COMMD2: variants seen among roughly 807,000 people sequenced by gnomAD.
The protein encoded by COMMD2 is COMM domain containing 2, also known as COMM domain-containing protein 2.
In COMMD2, 25 loss-of-function variants were observed where a neutral mutation model predicts 22.5. That is an observed-to-expected ratio of 1.11 (90% CI 0.81 to 1.55). The LOEUF (loss-of-function observed/expected upper bound fraction) is 1.55. Ranked by LOEUF, COMMD2 falls within the 40% of genes most tolerant of loss-of-function variation. The pLI is 0.00. For synonymous variants in COMMD2, 98 were observed against 91.2 expected (o/e 1.07, Z -0.42); for missense variants, 223 against 232.9 (o/e 0.96, Z 0.28).
At chr3:149,742,183 T>C (rs925864166) in intron 4 of COMMD2, among the ~76,000 whole-genome samples, 1 of 152,156 alleles carries the variant, frequency 6.6e-6, no homozygotes. Context: ...GACAAATGAA[T>C]ATAGAAAAAT....
At chr3:149,742,965 CAAAAA>C (rs5853437) in intron 4 of COMMD2, among the ~76,000 whole-genome samples, 1 of 120,130 alleles carries the variant, frequency 8.3e-6, no homozygotes, top group Non-Finnish European at 1.8e-5. Flanking sequence ...GACTCTATCT[CAAAAA>C]AAAAAAAAAA....
intron 4 of COMMD2, among the ~76,000 whole-genome samples, chr3:149,748,241 A>G (rs1173107292): frequency 6.6e-6 from 1 of 152,180 alleles, no homozygotes; most frequent in Middle Eastern, 3.2e-3. Flanking sequence ...AAGTGGAGCA[A>G]GTGGGTCCTC....
intron 1 of COMMD2, 38 bp downstream of exon 1, chr3:149,752,340 T>G: frequency 6.2e-7 from 1 of 1,613,814 alleles, no homozygotes; most frequent in Non-Finnish European, 8.5e-7. Flanking sequence ...TTTGACCTCC[T>G]CCCCAGCCCA....
At chr3:149,749,632 T>G (rs1490432278) in intron 4 of COMMD2, among the ~76,000 whole-genome samples, 1 of 152,216 alleles carries the variant, frequency 6.6e-6, no homozygotes, top group African/African-American at 2.4e-5. Flanking sequence ...ATTCATATGC[T>G]CATTTGCATA....
In COMMD2 at chr3:149,739,529, T is replaced by C. The variant is rs1051524610; in HGVS notation, c.*1992A>G. 5 of 152,216 alleles carry C rather than the reference T, an allele frequency of 3.3e-5. No individual in the cohort carries two copies. Among genetic ancestry groups the C allele is most frequent in the African/African-American group, 4.8e-5 (2 of 41,464 alleles). The allele number at this position is 152,216 out of a possible 1,614,324, so 9.4% of individuals were successfully genotyped here. On this transcript the variant is annotated 3_prime_UTR_variant, in exon 5 of 5. Transcript: ENST00000473414. ...ATTAGCACATGCTTTCTTGTTTTAA[T>C]TGGGGTAAGAACAGTGGACAAAGAG...
At chr3:149,745,596 C>T (rs1246861460) in intron 4 of COMMD2, among the ~76,000 whole-genome samples, 1 of 152,204 alleles carries the variant, frequency 6.6e-6, no homozygotes, top group Non-Finnish European at 1.5e-5. Flanking sequence ...GCTATGTCCA[C>T]AAGGCCTAGC....
At chr3:149,744,305 T>A (rs956028607) in intron 4 of COMMD2, among the ~76,000 whole-genome samples, 3 of 152,222 alleles carry the variant, frequency 2.0e-5, no homozygotes, top group African/African-American at 7.2e-5. Flanking sequence ...ACATAAATTA[T>A]GTTTCATGTA....
intron 4 of COMMD2, among the ~76,000 whole-genome samples, chr3:149,747,272 T>G (rs1480651764): frequency 2.0e-5 from 3 of 152,206 alleles, no homozygotes; most frequent in Non-Finnish European, 4.4e-5. Context: ...ATTTAAGACT[T>G]CAAATTGGAT....
In COMMD2 at chr3:149,751,431, T is replaced by C. The variant is rs146703562; in HGVS notation, c.200A>G (p.Tyr67Cys). The part of the protein sequence containing the change: ...TVQHGVEGLT[Y>C]LLTESSKLMI... ...GAGCTTTGAGCTCTCAGTGAGGAGA[T>C]ACGTTAATCCTTCCACACCATGCTG... The change falls in exon 3 of 5, where the codon TAT (tyrosine) becomes TGT (cysteine). Residue 67 changes from tyrosine to cysteine, a missense_variant. By Grantham distance (194) the Tyr-to-Cys change is radical. Coordinates refer to ENST00000473414, the MANE Select transcript of COMMD2 (RefSeq NM_016094.4). 5.1e-4 allele frequency: 823 copies of C among 1,614,130 alleles called. 2 individuals carry two copies. Among genetic ancestry groups the C allele is most frequent in the Middle Eastern group, 1.5e-3 (9 of 6,062 alleles).
Position 149,741,791 on chromosome 3 carries a change from C to G in COMMD2, c.403-73G>C. 8.6e-6 allele frequency: 10 copies of G among 1,159,226 alleles called. No homozygotes were observed. In the South Asian group the frequency reaches 1.4e-4, roughly 16 times the overall value. 71.8% of individuals were successfully genotyped at this position (1,159,226 alleles called of 1,614,324 possible). On this transcript the variant is annotated intron_variant, in intron 4 of 4. Coordinates refer to ENST00000473414, the MANE Select transcript of COMMD2 (RefSeq NM_016094.4). Reference sequence around the variant, plus strand: ...CTGAATACATAATATTTATAATTATCTTAAACCATACACAAAAATTAAGTT... The same window carrying G: ...CTGAATACATAATATTTATAATTATGTTAAACCATACACAAAAATTAAGTT...
chr3:149,749,648 G>C (rs1265164582), intron 4 of COMMD2, among the ~76,000 whole-genome samples: 1 of 152,160 alleles, frequency 6.6e-6, no homozygotes, highest in African/African-American at 2.4e-5. Context: ...GCATATCCAT[G>C]TGGGCTTTTA....
At chr3:149,749,977 T>C (rs1454791176) in intron 4 of COMMD2, among the ~76,000 whole-genome samples, 4 of 152,226 alleles carry the variant, frequency 2.6e-5, no homozygotes, top group Admixed American at 6.5e-5. Context: ...TACACTTCTT[T>C]TGTGTCTCAA....
chr3:149,749,644 C>T (rs910621459), intron 4 of COMMD2, among the ~76,000 whole-genome samples: 1 of 152,154 alleles, frequency 6.6e-6, no homozygotes, highest in Admixed American at 6.5e-5. Context: ...ATTTGCATAT[C>T]CATGTGGGCT....
rs1559853897 is a variant in COMMD2 at position 149,741,662 on chromosome 3, GT to G, written c.458del (p.His153ProfsTer34). ...QIKPAVTIKL[H>X]LNQNGDHNTK... The stretch of plus-strand genomic sequence containing the variant: ...TGTTGTGATCTCCATTTTGATTAAG[GT>G]GTAGCTTTATAGTCACTGCTGGTTT... On this transcript the variant is annotated frameshift_variant, in exon 5 of 5. Coordinates refer to ENST00000473414, the MANE Select transcript of COMMD2 (RefSeq NM_016094.4). LOFTEE classifies it high-confidence loss of function. The G allele has an allele frequency of 3.1e-6, 5 of 1,613,948 alleles. No individual in the cohort carries two copies. Among genetic ancestry groups the G allele is most frequent in the Non-Finnish European group, 4.2e-6 (5 of 1,179,976 alleles).
chr3:149,751,284 T>C (rs1229591180), intron 3 of COMMD2, 119 bp downstream of exon 3: 4 of 1,488,114 alleles, frequency 2.7e-6, no homozygotes, highest in Non-Finnish European at 2.7e-6. Flanking sequence ...AAAAAATCAA[T>C]TATAAACCAT....
At chr3:149,749,654 T>C (rs1716476971) in intron 4 of COMMD2, among the ~76,000 whole-genome samples, 1 of 152,230 alleles carries the variant, frequency 6.6e-6, no homozygotes, top group Non-Finnish European at 1.5e-5. Context: ...CCATGTGGGC[T>C]TTTACAACAT....
intron 4 of COMMD2, chr3:149,750,344 T>C: frequency 2.3e-6 from 1 of 429,992 alleles, no homozygotes; most frequent in South Asian, 1.7e-5. Flanking sequence ...CATGTGATAA[T>C]TCATTGAGCG....
At position 149,741,318 on chromosome 3, in the gene COMMD2, G is replaced by A. The variant is rs954839782; in HGVS notation, c.*203C>T. ...CCTGACCTCATGATTTGCCCACCTCGGCCTCCCAAAGTGCTGGGATAACTG... is the reference window on the plus strand; with the variant it reads ...CCTGACCTCATGATTTGCCCACCTCAGCCTCCCAAAGTGCTGGGATAACTG... On this transcript the variant is annotated 3_prime_UTR_variant, in exon 5 of 5. Coordinates refer to ENST00000473414, the MANE Select transcript of COMMD2 (RefSeq NM_016094.4). The A allele has an allele frequency of 5.8e-5, 30 of 519,036 alleles. No individual in the cohort carries two copies. The highest frequency in any genetic ancestry group is 2.1e-4 in the East Asian group (6 of 28,652). 32.2% of individuals were successfully genotyped at this position (519,036 alleles called of 1,614,324 possible). A position where few individuals can be genotyped will look rare whatever the true frequency, so the allele number is the denominator to read the frequency against.
At chr3:149,750,647 C>A (rs1215102041) in intron 4 of COMMD2, 31 bp downstream of exon 4, 1 of 1,423,004 alleles carries the variant, frequency 7.0e-7, no homozygotes, top group South Asian at 1.4e-5. Flanking sequence ...TTCTTATATT[C>A]TATGTTAAGT....
Sources: gnomAD v4.1 joint callset for allele counts (sites outside exome capture counted in the v4.1 genomes callset) on GRCh38, gnomAD v4.1.1 for gene constraint, MANE v1.5 for transcripts, NCBI Gene and HGNC (gene_info 2026-07-23, HGNC 2026-07-21) for gene names.